TRAPPC9: variants seen among roughly 807,000 people sequenced by gnomAD.
TRAPPC9 encodes the protein IKK2 binding protein.
In TRAPPC9, 83 loss-of-function variants were observed where a neutral mutation model predicts 124.0. The observed-to-expected ratio is 0.67, with a 90% CI of 0.56 to 0.80. TRAPPC9 has a LOEUF of 0.80. Among genes scored for constraint, TRAPPC9 ranks in the 30% least tolerant of loss-of-function variants. The pLI, the probability that TRAPPC9 is intolerant of heterozygous loss-of-function variation, is 0.00. For synonymous variants in TRAPPC9, 638 were observed against 617.5 expected (o/e 1.03, Z -0.49); for missense variants, 1,302 against 1,508.3 (o/e 0.86, Z 2.27).
intron 21 of TRAPPC9, among the ~76,000 whole-genome samples, chr8:139,761,003 T>G (rs1389410839): frequency 6.6e-6 from 1 of 152,242 alleles, no homozygotes; most frequent in Non-Finnish European, 1.5e-5. Flanking sequence ...TCTCTGCACT[T>G]CCTGACTTGG....
chr8:140,248,582 T>C (rs770420443), intron 16 of TRAPPC9, among the ~76,000 whole-genome samples: 1 of 152,266 alleles, frequency 6.6e-6, no homozygotes. Flanking sequence ...TTTTTGCCTA[T>C]GGGTATTTGG....
At chr8:139,752,315 C>A (rs1563785494) in intron 21 of TRAPPC9, among the ~76,000 whole-genome samples, 2 of 150,632 alleles carry the variant, frequency 1.3e-5, no homozygotes, top group East Asian at 2.0e-4. Context: ...ATCCATCCAC[C>A]CATCTACCAC....
chr8:139,833,333 C>T (rs1289975270), intron 21 of TRAPPC9, among the ~76,000 whole-genome samples: 1 of 152,208 alleles, frequency 6.6e-6, no homozygotes, highest in Admixed American at 6.5e-5. Flanking sequence ...GGCAGCAATT[C>T]TGCTTCAGTT....
At chr8:140,374,760 T>C (rs1320730938) in intron 7 of TRAPPC9, among the ~76,000 whole-genome samples, 1 of 150,420 alleles carries the variant, frequency 6.6e-6, no homozygotes, top group Non-Finnish European at 1.5e-5. Context: ...TGTAAAGAGG[T>C]CACCATCTAA....
intron 17 of TRAPPC9, chr8:140,095,402 C>G (rs1024075077): frequency 1.3e-5 from 2 of 152,212 alleles, no homozygotes; most frequent in African/African-American, 4.8e-5. Context: ...AAGCTGATGA[C>G]CGGCTGTAAT....
At chr8:140,187,922 C>T (rs1018176408) in intron 17 of TRAPPC9, among the ~76,000 whole-genome samples, 3 of 152,188 alleles carry the variant, frequency 2.0e-5, no homozygotes, top group Admixed American at 6.5e-5. Flanking sequence ...GATCTGCCTG[C>T]CTTGGCCTCC....
intron 17 of TRAPPC9, among the ~76,000 whole-genome samples, chr8:140,033,657 G>GTTTTTTTTTT (rs1491525674): frequency 2.0e-5 from 1 of 49,302 alleles, no homozygotes; most frequent in Non-Finnish European, 5.7e-5. Flanking sequence ...TTCATAATGT[G>GTTTTTTTTTT]GTTTTTTTTT....
At chr8:140,082,705 G>A (rs1302768314) in intron 17 of TRAPPC9, among the ~76,000 whole-genome samples, 1 of 152,128 alleles carries the variant, frequency 6.6e-6, no homozygotes, top group South Asian at 2.1e-4. Context: ...TTTTGCAAAA[G>A]ATTGTTAAAC....
At chr8:140,338,485 G>A (rs535592202) in intron 9 of TRAPPC9, among the ~76,000 whole-genome samples, 8 of 152,182 alleles carry the variant, frequency 5.3e-5, no homozygotes, top group Non-Finnish European at 1.2e-4. Flanking sequence ...AGGTTGAATC[G>A]TGTCCCCTCC....
chr8:140,272,277 CGAT>C (rs1204791436), intron 15 of TRAPPC9, among the ~76,000 whole-genome samples: 3 of 123,420 alleles, frequency 2.4e-5, no homozygotes, highest in African/African-American at 5.9e-5. Flanking sequence ...GTGGTGGTGA[CGAT>C]GGTGGTGGCA....
At chr8:140,337,723 G>A (rs568990630) in intron 9 of TRAPPC9, among the ~76,000 whole-genome samples, 4 of 152,338 alleles carry the variant, frequency 2.6e-5, no homozygotes, top group African/African-American at 9.6e-5. Context: ...GATCAGCGGT[G>A]CTGTGAGAGT....
At chr8:140,202,157 T>C (rs549650410) in intron 17 of TRAPPC9, among the ~76,000 whole-genome samples, 4 of 136,800 alleles carry the variant, frequency 2.9e-5, no homozygotes, top group East Asian at 2.3e-4. Context: ...GCTCATCTTC[T>C]GTAATTAAAA....
At chr8:140,064,502 A>C (rs1018814472) in intron 17 of TRAPPC9, among the ~76,000 whole-genome samples, 1 of 152,164 alleles carries the variant, frequency 6.6e-6, no homozygotes, top group Non-Finnish European at 1.5e-5. Flanking sequence ...CCAGACCCAG[A>C]GCTCCTGGAA....
At chr8:139,971,752 C>CACACAT (rs782002073) in intron 19 of TRAPPC9, among the ~76,000 whole-genome samples, 4 of 146,842 alleles carry the variant, frequency 2.7e-5, no homozygotes, top group South Asian at 2.2e-4. Context: ...TATATATACA[C>CACACAT]ACACACACAC....
intron 17 of TRAPPC9, among the ~76,000 whole-genome samples, chr8:140,217,080 C>A (rs1166188755): frequency 2.0e-5 from 3 of 152,158 alleles, no homozygotes; most frequent in African/African-American, 7.2e-5. Flanking sequence ...GTCCCAACCC[C>A]GGGGCACCGT....
chr8:140,070,925 C>G (rs971580532), intron 17 of TRAPPC9, among the ~76,000 whole-genome samples: 1 of 152,206 alleles, frequency 6.6e-6, no homozygotes, highest in African/African-American at 2.4e-5. Context: ...ACCTACAGCT[C>G]AGGCTCTGTT....
intron 17 of TRAPPC9, among the ~76,000 whole-genome samples, chr8:140,074,921 C>A (rs1843414588): frequency 6.6e-6 from 1 of 152,156 alleles, no homozygotes; most frequent in Admixed American, 6.5e-5. Context: ...AGATGCTGAT[C>A]CCTGTAAGCA....
chr8:140,280,806 C>T (rs1334842130), intron 14 of TRAPPC9, among the ~76,000 whole-genome samples: 1 of 152,180 alleles, frequency 6.6e-6, no homozygotes, highest in East Asian at 1.9e-4. Context: ...AGTTTAGTCC[C>T]CACACCACTG....
At chr8:139,778,070 CCCA>C (rs1821520374) in intron 21 of TRAPPC9, among the ~76,000 whole-genome samples, 4 of 151,992 alleles carry the variant, frequency 2.6e-5, no homozygotes, top group African/African-American at 9.7e-5. Flanking sequence ...ACTGAAAGTA[CCCA>C]AGGCTAAGGG....
Sources: allele counts gnomAD v4.1 joint callset (sites outside exome capture counted in the v4.1 genomes callset), GRCh38; gene constraint gnomAD v4.1.1; transcripts MANE v1.5; gene names NCBI Gene and HGNC (gene_info 2026-07-23, HGNC 2026-07-21).